SHCBP1: variants seen among roughly 807,000 people sequenced by gnomAD.
SHCBP1 encodes SHC binding and spindle associated 1, also known as SHC SH2 domain-binding protein 1.
SHCBP1 carries 60 observed loss-of-function variants against 75.1 expected under a neutral mutation model. The ratio of observed to expected loss-of-function variants is 0.80; its 90% CI spans 0.65 to 0.99. The LOEUF (loss-of-function observed/expected upper bound fraction) is 0.99. Ranked by LOEUF, SHCBP1 falls within the 50% of genes least tolerant of loss-of-function variation. The probability of loss-of-function intolerance (pLI) is 0.00; values close to 1 mark genes in which losing one functional copy is unlikely to be tolerated. For missense variants in SHCBP1, 709 were observed against 809.4 expected, an observed-to-expected ratio of 0.88 and a Z score of 1.50; for synonymous variants, 290 against 293.2, an observed-to-expected ratio of 0.99 and a Z score of 0.11.
intron 10 of SHCBP1, among the ~76,000 whole-genome samples, chr16:46,595,345 T>C (rs1199265526): frequency 6.6e-6 from 1 of 152,172 alleles, no homozygotes; most frequent in African/African-American, 2.4e-5. Flanking sequence ...TAAAGCTACA[T>C]AAAGTCATTG....
intron 5 of SHCBP1, among the ~76,000 whole-genome samples, chr16:46,606,115 TATTTCTTTTC>T (rs1001472636): frequency 2.0e-5 from 3 of 152,082 alleles, no homozygotes; most frequent in Non-Finnish European, 2.9e-5. Context: ...CCCGTTAGCT[TATTTCTTTTC>T]ATTTCTTTTC....
chr16:46,589,282 C>G (rs1317280548), intron 10 of SHCBP1, among the ~76,000 whole-genome samples: 1 of 152,186 alleles, frequency 6.6e-6, no homozygotes, highest in African/African-American at 2.4e-5. Context: ...GATGCCCTCT[C>G]TCACCACTCC....
chr16:46,594,560 T>C (rs1227715501), intron 10 of SHCBP1, among the ~76,000 whole-genome samples: 2 of 152,070 alleles, frequency 1.3e-5, no homozygotes, highest in Non-Finnish European at 2.9e-5. Context: ...TACACACTTA[T>C]CAGAATGGCT....
At position 46,617,628 on chromosome 16, in the gene SHCBP1, C is replaced by G; in HGVS notation, c.387+6G>C. ...GACAAAGGTCTAATAACAAAATTAA[C>G]CTTACCTCAACCAGCACCTTGAACA... On this transcript the variant is annotated splice_donor_region_variant and intron_variant, in intron 3 of 12. Transcript: ENST00000303383. 1.2e-6 allele frequency: 2 copies of G among 1,612,328 alleles called. No homozygotes were observed. Among genetic ancestry groups the G allele is most frequent in the Non-Finnish European group, 1.7e-6 (2 of 1,178,818 alleles).
In SHCBP1 at chr16:46,578,996, TTGAGATCAAATGA is replaced by T. The variant is rs1964831835; in HGVS notation, c.*2720_*2732del. ...CCAGAAAAGTGAAGTGTATATACAC[TTGAGATCAAATGA>T]TCTCTGGGCAGTTTTTAAAAATATA... On this transcript the variant is annotated 3_prime_UTR_variant, in exon 13 of 13. Coordinates refer to ENST00000303383, the MANE Select transcript of SHCBP1 (RefSeq NM_024745.5). 6.6e-6 allele frequency among the ~76,000 whole-genome samples: 1 copy of T among 152,222 alleles called. No individual in the cohort carries two copies. The highest frequency in any genetic ancestry group is 1.5e-5 in the Non-Finnish European group (1 of 68,028).
chr16:46,620,112 A>G (rs190078681), intron 1 of SHCBP1, among the ~76,000 whole-genome samples: 14 of 152,332 alleles, frequency 9.2e-5, no homozygotes, highest in Admixed American at 3.9e-4. Flanking sequence ...TGAAATGATT[A>G]CCACAGTAAA....
At position 46,595,647 on chromosome 16, in the gene SHCBP1, G is replaced by C. The variant is rs770254582; in HGVS notation, c.1369C>G (p.Leu457Val). ...TCACACTGCAGCACACAGTTTTCCA[G>C]CGTAGTCTTACCACGGTGAACAACT... is the stretch of plus-strand genomic sequence containing the variant. ...ILIVHRGKTT[L>V]ENCVLQCETT... The change falls in exon 10 of 13, where the codon CTG becomes GTG. Residue 457 changes from leucine to valine, a missense_variant. Transcript: ENST00000303383. 1.5e-5 allele frequency: 24 copies of C among 1,613,868 alleles called. No homozygotes were observed. The East Asian group carries it at 5.1e-4, about 34-fold the overall frequency.
At chr16:46,615,871 A>G in intron 4 of SHCBP1, 75 bp downstream of exon 4, 2 of 1,412,664 alleles carry the variant, frequency 1.4e-6, no homozygotes, top group Non-Finnish European at 2.0e-6. Context: ...ATCTGGGTCT[A>G]ACACAGACCA....
chr16:46,619,732 A>C (rs1965556351), intron 1 of SHCBP1, among the ~76,000 whole-genome samples: 1 of 152,178 alleles, frequency 6.6e-6, no homozygotes, highest in Non-Finnish European at 1.5e-5. Flanking sequence ...AGTTATATAC[A>C]TTTAAAGTGT....
chr16:46,592,237 A>G (rs993585274), intron 10 of SHCBP1, among the ~76,000 whole-genome samples: 5 of 152,158 alleles, frequency 3.3e-5, no homozygotes, highest in Non-Finnish European at 7.4e-5. Context: ...GAGAGAAGAC[A>G]CAAACTACCA....
At chr16:46,598,711 A>G (rs1016541615) in intron 9 of SHCBP1, among the ~76,000 whole-genome samples, 2 of 152,212 alleles carry the variant, frequency 1.3e-5, no homozygotes, top group African/African-American at 4.8e-5. Context: ...CTGTGAAGCC[A>G]AGCACTGACT....
intron 10 of SHCBP1, among the ~76,000 whole-genome samples, chr16:46,587,290 T>C (rs935793309): frequency 6.6e-6 from 1 of 152,040 alleles, no homozygotes; most frequent in African/African-American, 2.4e-5. Context: ...AAAAAAGTTA[T>C]ATGAAGAGAT....
intron 10 of SHCBP1, among the ~76,000 whole-genome samples, chr16:46,589,484 T>A (rs1965005395): frequency 6.6e-6 from 1 of 152,178 alleles, no homozygotes; most frequent in Non-Finnish European, 1.5e-5. Context: ...AGTCTCAGGA[T>A]ACAAAATCAA....
Position 46,616,253 on chromosome 16 carries a change from A to T in SHCBP1, c.388-99T>A. On this transcript the variant is annotated intron_variant, in intron 3 of 12. Coordinates refer to ENST00000303383, the MANE Select transcript of SHCBP1 (RefSeq NM_024745.5). The surrounding 1 kb of genome is among the most constrained non-coding windows in gnomAD (Gnocchi z 4.4). ...CCTGATTTTTTTAAAAGCATACAAC[A>T]TGGGTGGGGAGGCTTTACCCATAAT... 2 of 1,162,084 alleles carry T rather than the reference A, an allele frequency of 1.7e-6. No homozygotes were observed. The highest frequency in any genetic ancestry group is 2.5e-6 in the Non-Finnish European group (2 of 808,924). 72.0% of individuals were successfully genotyped at this position (1,162,084 alleles called of 1,614,324 possible).
At chr16:46,587,247 T>C (rs1384921027) in intron 10 of SHCBP1, among the ~76,000 whole-genome samples, 1 of 152,182 alleles carries the variant, frequency 6.6e-6, no homozygotes. Flanking sequence ...TAAACTGTTA[T>C]GTACATATAA....
At chr16:46,589,429 C>T (rs1303907931) in intron 10 of SHCBP1, among the ~76,000 whole-genome samples, 7 of 152,166 alleles carry the variant, frequency 4.6e-5, no homozygotes, top group Admixed American at 2.0e-4. Flanking sequence ...AAAACCCCAT[C>T]GTCTCAGCCC....
intron 9 of SHCBP1, 98 bp from the exon 10 acceptor site, chr16:46,595,768 T>TG (rs1965128580): frequency 2.9e-6 from 2 of 686,862 alleles, no homozygotes; most frequent in African/African-American, 3.7e-5. Context: ...TCTAAATATT[T>TG]CTCAATGGCT....
chr16:46,608,520 T>G, intron 4 of SHCBP1, 131 bp from the exon 5 acceptor site: 15 of 635,292 alleles, frequency 2.4e-5, no homozygotes, highest in African/African-American at 3.7e-5. Context: ...TTGCTATGGT[T>G]GATAGTCATG....
chr16:46,597,683 C>T (rs1453007061), intron 9 of SHCBP1, among the ~76,000 whole-genome samples: 1 of 152,108 alleles, frequency 6.6e-6, no homozygotes, highest in East Asian at 1.9e-4. Flanking sequence ...GTGGCTATGG[C>T]AATTTTTAAA....
Sources: allele counts gnomAD v4.1 joint callset (sites outside exome capture counted in the v4.1 genomes callset), GRCh38; gene constraint gnomAD v4.1.1; non-coding constraint Gnocchi (gnomAD v3.1); transcripts MANE v1.5; gene names NCBI Gene and HGNC (gene_info 2026-07-23, HGNC 2026-07-21).